Variants in KDM5C observed in about 807,000 individuals in gnomAD.
KDM5C encodes the protein lysine demethylase 5C.
A neutral mutation model predicts 110.6 loss-of-function variants in KDM5C; 16 were observed. That is an observed-to-expected ratio of 0.14 (90% confidence interval 0.10 to 0.22). KDM5C has a LOEUF of 0.22. KDM5C is among the 10% of genes least tolerant of loss of function. KDM5C has a pLI of 1.00. For missense variants in KDM5C, 681 were observed against 1,300.9 expected (o/e 0.52, Z 7.33); for synonymous variants, 511 against 520.4 (o/e 0.98, Z 0.24).
chrX:53,221,131 C>A (rs1347242186), intron 1 of KDM5C, among the ~76,000 whole-genome samples: 3 of 103,634 alleles, frequency 2.9e-5, no homozygotes, highest in Non-Finnish European at 5.9e-5. Context: ...ACCCAAGGCC[C>A]CATGCACATG....
At chrX:53,196,543 G>C (rs782349686) in intron 19 of KDM5C, 143 bp downstream of exon 19, 4 of 532,423 alleles carry the variant, frequency 7.5e-6, no homozygotes, top group Non-Finnish European at 1.3e-5. Flanking sequence ...AAAACGACAA[G>C]ATAGACAACA....
At chrX:53,215,732 C>T (rs2146938907) in intron 7 of KDM5C, 63 bp downstream of exon 7, 1 of 1,120,822 alleles carries the variant, frequency 8.9e-7, no homozygotes, top group South Asian at 1.8e-5. Context: ...CAGTGCCATG[C>T]AGGGGAATGC....
In KDM5C at chrX:53,217,974, A is replaced by G. The variant is rs782287294; in HGVS notation, c.352-8T>C. ...ACCTTCCTCCACCACAATCTGAAAAAACAAGTAGGAAAAGACATGGATGTG... is the reference window on the plus strand; with the variant it reads ...ACCTTCCTCCACCACAATCTGAAAAGACAAGTAGGAAAAGACATGGATGTG... On this transcript the variant is annotated splice_region_variant and splice_polypyrimidine_tract_variant and intron_variant, in intron 3 of 25. Transcript: ENST00000375401. 4.1e-6 allele frequency: 5 copies of G among 1,209,225 alleles called. No individual in the cohort carries two copies. In the Admixed American group the frequency reaches 1.1e-4, roughly 26 times the overall value.
intron 14 of KDM5C, among the ~76,000 whole-genome samples, chrX:53,199,485 A>G (rs1307422119): frequency 1.8e-5 from 2 of 111,816 alleles, no homozygotes; most frequent in Non-Finnish European, 3.8e-5. Flanking sequence ...GAGAGGTGGC[A>G]ATGAGTGCAA....
At chrX:53,204,388 A>G (rs1556844067) in intron 12 of KDM5C, among the ~76,000 whole-genome samples, 1 of 110,179 alleles carries the variant, frequency 9.1e-6, no homozygotes, top group Non-Finnish European at 1.9e-5. Context: ...CTTCAATTGT[A>G]CCTAGGAGAC....
At chrX:53,224,614 C>CA in intron 1 of KDM5C, 126 bp downstream of exon 1, 1 of 879,284 alleles carries the variant, frequency 1.1e-6, no homozygotes. Context: ...ATCCGCGCCG[C>CA]AACCACAACG....
intron 2 of KDM5C, among the ~76,000 whole-genome samples, chrX:53,218,965 G>C (rs782003892): frequency 4.5e-5 from 5 of 112,194 alleles, no homozygotes; most frequent in Non-Finnish European, 9.4e-5. Flanking sequence ...AAAAGCTTTA[G>C]ATATGTCCTC....
chrX:53,201,149 G>A, intron 14 of KDM5C: 1 of 201,898 alleles, frequency 5.0e-6, no homozygotes, highest in Non-Finnish European at 9.2e-6. Flanking sequence ...AGTGAGATAT[G>A]AAAGATCAAG....
At chrX:53,224,678 C>G (rs2073991569) in intron 1 of KDM5C, 62 bp downstream of exon 1, 2 of 1,188,495 alleles carry the variant, frequency 1.7e-6, no homozygotes, top group Non-Finnish European at 2.3e-6. Flanking sequence ...CAGACTTCGC[C>G]GCTGGCTATC....
At position 53,193,585 on chromosome X, in the gene KDM5C, T is replaced by C. The variant is rs782010909; in HGVS notation, c.4169A>G (p.Glu1390Gly). 8.3e-7 allele frequency: 1 copy of C among 1,211,911 alleles called. No homozygotes were observed. Among genetic ancestry groups the C allele is most frequent in the East Asian group, 3.0e-5 (1 of 33,821 alleles). Residue 1390 changes from glutamate to glycine, a missense_variant, in exon 25 of 26, where the codon GAA (glutamate) becomes GGA (glycine). Glu to Gly is a moderately conservative substitution (Grantham distance 98, BLOSUM62 -2). Coordinates refer to ENST00000375401, the MANE Select transcript of KDM5C (RefSeq NM_004187.5). ...LLPQLTGPVL[E>G]LPEATRAPLE... is the part of the protein sequence containing the mutation. Reference sequence around the variant, plus strand: ...GGGGGCCCGGGTTGCCTCAGGCAGTTCCAACACAGGGCCAGTCAACTGTGG... The same window carrying C: ...GGGGGCCCGGGTTGCCTCAGGCAGTCCCAACACAGGGCCAGTCAACTGTGG...
chrX:53,181,628 A>G (rs1366659696), intron 25 of KDM5C, among the ~76,000 whole-genome samples: 2 of 102,484 alleles, frequency 2.0e-5, no homozygotes, highest in African/African-American at 7.2e-5. Context: ...GCTAATTTAT[A>G]CTGGCAGAAA....
chrX:53,214,999 G>C, intron 7 of KDM5C, 152 bp from the exon 8 acceptor site: 1 of 594,870 alleles, frequency 1.7e-6, no homozygotes. Context: ...AGAGCTGCAA[G>C]AGCAGTCTTT....
At chrX:53,185,178 A>G (rs917373818) in intron 25 of KDM5C, among the ~76,000 whole-genome samples, 7 of 112,087 alleles carry the variant, frequency 6.2e-5, no homozygotes, top group African/African-American at 2.3e-4. Context: ...TTTAGACTAC[A>G]TTTGTCAGTG....
chrX:53,180,495 G>T (rs1488512709), intron 25 of KDM5C, among the ~76,000 whole-genome samples: 1 of 110,625 alleles, frequency 9.0e-6, no homozygotes, highest in Non-Finnish European at 1.9e-5. Flanking sequence ...GTTGATAGTG[G>T]GGGAAGCTGT....
chrX:53,187,603 C>T (rs1934258324), downstream of KDM5C, among the ~76,000 whole-genome samples: 1 of 110,829 alleles, frequency 9.0e-6, no homozygotes, highest in East Asian at 2.8e-4. Flanking sequence ...AGATAACTTG[C>T]CTCTTAAGTC....
chrX:53,216,611 A>G (rs1556852035), intron 5 of KDM5C, among the ~76,000 whole-genome samples: 1 of 111,922 alleles, frequency 8.9e-6, no homozygotes, highest in African/African-American at 3.3e-5. Flanking sequence ...TCCCAGTGCC[A>G]AGAATGCCTG....
At chrX:53,202,410 T>C (rs1404605596) in intron 12 of KDM5C, 1 of 150,893 alleles carries the variant, frequency 6.6e-6, no homozygotes, top group East Asian at 1.7e-4. Flanking sequence ...TCTGATTATT[T>C]TGGCGTTGAT....
At chrX:53,221,712 T>A in intron 1 of KDM5C, 2 of 978,291 alleles carry the variant, frequency 2.0e-6, no homozygotes, top group Non-Finnish European at 2.7e-6. Context: ...TTCCTGTAGA[T>A]CCTCTCTCAT....
intron 2 of KDM5C, among the ~76,000 whole-genome samples, chrX:53,220,315 T>C (rs1259933097): frequency 8.9e-6 from 1 of 111,865 alleles, no homozygotes; most frequent in African/African-American, 3.3e-5. Flanking sequence ...AGGAAAATCC[T>C]ACCTGCCTGA....
Sources: gnomAD v4.1 joint callset for allele counts (sites outside exome capture counted in the v4.1 genomes callset) on GRCh38, gnomAD v4.1.1 for gene constraint, MANE v1.5 for transcripts, NCBI Gene and HGNC (gene_info 2026-07-23, HGNC 2026-07-21) for gene names.